The following TMEM268 variants were observed in gnomAD, a reference collection of about 807,000 sequenced individuals.
TMEM268 encodes transmembrane protein C9orf91.
A neutral mutation model predicts 39.1 loss-of-function variants in TMEM268; 24 were observed. The observed-to-expected ratio is 0.61, with a 90% CI of 0.44 to 0.86. The LOEUF (loss-of-function observed/expected upper bound fraction) is 0.86. Among genes scored for constraint, TMEM268 ranks in the 40% least tolerant of loss-of-function variants. The pLI is 0.00. For missense variants in TMEM268, 409 were observed against 428.6 expected (o/e 0.95, Z 0.40); for synonymous variants, 176 against 173.5 (o/e 1.01, Z -0.12).
intron 7 of TMEM268, among the ~76,000 whole-genome samples, chr9:114,637,535 C>T (rs1402224663): frequency 6.6e-6 from 1 of 152,052 alleles, no homozygotes; most frequent in Non-Finnish European, 1.5e-5. Flanking sequence ...CTCAGGTGAT[C>T]CGTCTGCCTT....
intron 8 of TMEM268, among the ~76,000 whole-genome samples, chr9:114,640,109 A>G (rs1035889703): frequency 6.7e-6 from 1 of 148,974 alleles, no homozygotes; most frequent in Non-Finnish European, 1.5e-5. Context: ...ACTTTATCCT[A>G]TTGACTTTTT....
chr9:114,614,892 CTTTTTTTTTTTT>C lies in TMEM268; in HGVS notation c.-78-2215_-78-2204del, dbSNP rs57020988. On this transcript the variant is annotated intron_variant, in intron 1 of 8. Transcript: ENST00000288502. ...AAACACCCATGACAGGTGTCACTGC[CTTTTTTTTTTTT>C]TTTTTTTTTTAAGATGGAGTCTCTC... Among the ~76,000 whole-genome samples, 17 of 129,208 alleles carry C rather than the reference CTTTTTTTTTTTT, an allele frequency of 1.3e-4. No individual in the cohort carries two copies. The South Asian group carries it at 2.5e-3, about 19-fold the overall frequency. 84.8% of individuals were successfully genotyped at this position (129,208 alleles called of 152,430 possible). A position where few individuals can be genotyped will look rare whatever the true frequency, so the allele number is the denominator to read the frequency against.
chr9:114,630,062 G>T (rs567502247), intron 5 of TMEM268, among the ~76,000 whole-genome samples: 4 of 152,340 alleles, frequency 2.6e-5, no homozygotes, highest in East Asian at 3.9e-4. Flanking sequence ...CCTGACAGGT[G>T]CTTCGAGGAT....
chr9:114,628,184 C>T lies in TMEM268; in HGVS notation c.408C>T (p.Leu136=), dbSNP rs1041386561. ...GGAACCACTGGGCTGGCATGCTGCTCGTGACCCTGGCCGCGGTGAGCCTGA... is the reference window on the plus strand; with the variant it reads ...GGAACCACTGGGCTGGCATGCTGCTTGTGACCCTGGCCGCGGTGAGCCTGA... ...ALGNHWAGML[L]VTLAAVSLTL... The change falls in exon 5 of 9, where the codon CTC becomes CTT. Residue 136 remains leucine, a synonymous_variant. Coordinates refer to ENST00000288502, the MANE Select transcript of TMEM268 (RefSeq NM_153045.4). 1.1e-5 allele frequency: 17 copies of T among 1,614,032 alleles called. No homozygotes were observed. The highest frequency in any genetic ancestry group is 5.3e-5 in the African/African-American group (4 of 74,896).
intron 1 of TMEM268, among the ~76,000 whole-genome samples, chr9:114,612,323 TG>T (rs1346310511): frequency 6.6e-6 from 1 of 152,176 alleles, no homozygotes; most frequent in Non-Finnish European, 1.5e-5. Flanking sequence ...GATGGATATC[TG>T]GAAGTTCTGG....
upstream of TMEM268, among the ~76,000 whole-genome samples, chr9:114,608,506 CT>C (rs561227261): frequency 3.3e-5 from 5 of 152,134 alleles, no homozygotes; most frequent in Non-Finnish European, 5.9e-5. Flanking sequence ...TAAAGGCAGC[CT>C]GGCAGAAAGG....
Position 114,624,056 on chromosome 9 carries a change from C to CA in TMEM268, c.107-288dup, listed in dbSNP as rs1253642392. 10 of 259,612 alleles carry CA rather than the reference C, an allele frequency of 3.9e-5. No individual in the cohort carries two copies. The East Asian group carries it at 9.2e-4, about 24-fold the overall frequency. The allele number at this position is 259,612 out of a possible 1,614,324, so 16.1% of individuals were successfully genotyped here. ...GTTGGGGAACATTTTTTTGTGGGGA[C>CA]AAAAAATGCCTATTTTTTATGGGGA... On this transcript the variant is annotated intron_variant, in intron 2 of 8. Coordinates refer to ENST00000288502, the MANE Select transcript of TMEM268 (RefSeq NM_153045.4).
Position 114,624,242 on chromosome 9 carries a change from C to T in TMEM268, c.107-108C>T, listed in dbSNP as rs184607188. ...ATGGCCACCGTGTCCCTCCTTGTTG[C>T]GAGGAGGTTCTCATGGCCAGAGGTG... On this transcript the variant is annotated intron_variant, in intron 2 of 8. Coordinates refer to ENST00000288502, the MANE Select transcript of TMEM268 (RefSeq NM_153045.4). 7.8e-5 allele frequency: 117 copies of T among 1,498,306 alleles called. No homozygotes were observed. In the East Asian group the frequency reaches 2.0e-3, roughly 26 times the overall value. 92.8% of individuals were successfully genotyped at this position (1,498,306 alleles called of 1,614,324 possible). A position where few individuals can be genotyped will look rare whatever the true frequency, so the allele number is the denominator to read the frequency against.
At chr9:114,639,779 G>C (rs1846810878) in intron 8 of TMEM268, among the ~76,000 whole-genome samples, 1 of 150,232 alleles carries the variant, frequency 6.7e-6, no homozygotes, top group African/African-American at 2.4e-5. Flanking sequence ...CAGCACTTTG[G>C]GAGGCTGAGG....
At chr9:114,635,670 C>T (rs1291721377) in intron 6 of TMEM268, among the ~76,000 whole-genome samples, 1 of 151,952 alleles carries the variant, frequency 6.6e-6, no homozygotes. Context: ...CAGAGTGAGA[C>T]CCTGTCTCAA....
intron 5 of TMEM268, among the ~76,000 whole-genome samples, 187 bp downstream of exon 5, chr9:114,628,437 A>G (rs967163124): frequency 2.6e-5 from 4 of 152,168 alleles, no homozygotes; most frequent in Non-Finnish European, 5.9e-5. Flanking sequence ...TTTCCTGTCT[A>G]ATCCCTGTGG....
At chr9:114,635,499 G>T (rs1036913089) in intron 6 of TMEM268, among the ~76,000 whole-genome samples, 2 of 152,004 alleles carry the variant, frequency 1.3e-5, no homozygotes, top group Non-Finnish European at 2.9e-5. Flanking sequence ...GGGCAACATG[G>T]CAAACTCTGT....
chr9:114,623,097 C>T (rs564493522), intron 2 of TMEM268, among the ~76,000 whole-genome samples: 1 of 127,442 alleles, frequency 7.8e-6, no homozygotes, highest in Non-Finnish European at 1.6e-5. Context: ...CTCCAAAAAA[C>T]AACAACAACA....
At chr9:114,610,110 G>A (rs1845440804), upstream of TMEM268, among the ~76,000 whole-genome samples, 1 of 151,978 alleles carries the variant, frequency 6.6e-6, no homozygotes, top group Non-Finnish European at 1.5e-5. Flanking sequence ...CGCAATCTCG[G>A]CTCACCGCAA....
Position 114,633,805 on chromosome 9 carries a change from A to G in TMEM268, c.512A>G (p.Asn171Ser), listed in dbSNP as rs775532207. ...TNTDLRLAAA[N>S]GALLRHRVLL... The stretch of plus-strand genomic sequence containing the variant: ...ACGGACCTGAGGCTGGCAGCTGCCA[A>G]TGGAGCCCTCCTGAGACACCGGGTG... Residue 171 changes from asparagine to serine, a missense_variant, in exon 6 of 9, where the codon AAT becomes AGT. Transcript: ENST00000288502. The G allele has an allele frequency of 1.1e-5, 17 of 1,604,912 alleles. No individual in the cohort carries two copies. In the East Asian group the frequency reaches 1.8e-4, roughly 17 times the overall value.
chr9:114,621,929 C>T (rs182972706), intron 2 of TMEM268, among the ~76,000 whole-genome samples: 79 of 152,288 alleles, frequency 5.2e-4, no homozygotes, highest in African/African-American at 1.9e-3. Context: ...TGAAAGTTTT[C>T]TCAAGGCATT....
In TMEM268 at chr9:114,617,142, C is replaced by T; in HGVS notation, c.-54C>T. Reference sequence around the variant, plus strand: ...GGCATATGATGCTGAGCTGGCTGCTCCAGAATGAACCACAGCTCTGAGAAG... The same window carrying T: ...GGCATATGATGCTGAGCTGGCTGCTTCAGAATGAACCACAGCTCTGAGAAG... On this transcript the variant is annotated 5_prime_UTR_variant, in exon 2 of 9. Transcript: ENST00000288502. The T allele has an allele frequency of 1.6e-6, 2 of 1,221,040 alleles. No individual in the cohort carries two copies. The highest frequency in any genetic ancestry group is 2.3e-6 in the Non-Finnish European group (2 of 852,636). 75.6% of individuals were successfully genotyped at this position (1,221,040 alleles called of 1,614,324 possible). A position where few individuals can be genotyped will look rare whatever the true frequency, so the allele number is the denominator to read the frequency against.
At position 114,643,137 on chromosome 9, in the gene TMEM268, A is replaced by G. The variant is rs1456637790; in HGVS notation, c.853A>G (p.Met285Val). ...QLVPEAEPEE[M>V]ARQLLAVFGG... ...TCTGCTTCCCTGCCTCTTCTAGGAA[A>G]TGGCCCGCCAGCTGCTGGCAGTGTT... The change falls in exon 9 of 9, where the codon ATG becomes GTG. Residue 285 changes from methionine (M) to valine (V), a missense_variant. Physicochemically the swap from Met to Val is conservative, Grantham distance 21. Transcript: ENST00000288502. The G allele has an allele frequency of 3.7e-6, 6 of 1,613,962 alleles. No homozygotes were observed. Among genetic ancestry groups the G allele is most frequent in the Admixed American group, 1.7e-5 (1 of 59,986 alleles).
chr9:114,628,440 C>T (rs567494295), intron 5 of TMEM268, among the ~76,000 whole-genome samples, 190 bp downstream of exon 5: 39 of 152,322 alleles, frequency 2.6e-4, no homozygotes, highest in African/African-American at 9.1e-4. Flanking sequence ...CCTGTCTAAT[C>T]CCTGTGGATT....
Sources: allele counts gnomAD v4.1 joint callset (sites outside exome capture counted in the v4.1 genomes callset), GRCh38; gene constraint gnomAD v4.1.1; transcripts MANE v1.5; gene names NCBI Gene and HGNC (gene_info 2026-07-23, HGNC 2026-07-21).